Variants in ESRRG observed in about 807,000 individuals in gnomAD.
The protein encoded by ESRRG is estrogen related receptor gamma.
Under a neutral mutation model 44.0 loss-of-function variants are expected in ESRRG, and 13 were observed. The observed-to-expected ratio is 0.30, with a 90% CI of 0.19 to 0.47. The LOEUF (loss-of-function observed/expected upper bound fraction) is 0.47, where lower values mean the gene tolerates loss of function less well. Among genes scored for constraint, ESRRG ranks in the 20% least tolerant of loss-of-function variants. The pLI, the probability that ESRRG is intolerant of heterozygous loss-of-function variation, is 1.00. For missense variants in ESRRG, 395 were observed against 580.6 expected, an observed-to-expected ratio of 0.68 and a Z score of 3.29; for synonymous variants, 215 against 214.6, an observed-to-expected ratio of 1.00 and a Z score of -0.02.
chr1:217,096,549 C>T (rs2092425895), intron 1 of ESRRG, among the ~76,000 whole-genome samples: 1 of 152,170 alleles, frequency 6.6e-6, no homozygotes, highest in African/African-American at 2.4e-5. Context: ...TCCAACAATC[C>T]TCAGGTAACG....
chr1:216,844,359 C>T (rs912829705), intron 2 of ESRRG, among the ~76,000 whole-genome samples: 2 of 152,170 alleles, frequency 1.3e-5, no homozygotes, highest in African/African-American at 2.4e-5. Context: ...TTAAGTCCCT[C>T]AGCTAAGGGG....
chr1:216,752,711 A>G (rs1316187590), intron 2 of ESRRG, among the ~76,000 whole-genome samples: 1 of 152,062 alleles, frequency 6.6e-6, no homozygotes, highest in Non-Finnish European at 1.5e-5. Context: ...ATACTAGGGT[A>G]TTTTAGAACA....
At chr1:216,808,425 T>C (rs900970390) in intron 2 of ESRRG, among the ~76,000 whole-genome samples, 22 of 152,124 alleles carry the variant, frequency 1.4e-4, no homozygotes, top group African/African-American at 5.1e-4. Context: ...AATTTATTTA[T>C]ATATGTATTT....
At chr1:216,922,718 G>A (rs570860385) in intron 2 of ESRRG, among the ~76,000 whole-genome samples, 1 of 152,280 alleles carries the variant, frequency 6.6e-6, no homozygotes, top group African/African-American at 2.4e-5. Flanking sequence ...CAAGAAGATA[G>A]CCCTGGGTTT....
chr1:216,974,688 G>A (rs2072485122), intron 1 of ESRRG, among the ~76,000 whole-genome samples: 1 of 152,074 alleles, frequency 6.6e-6, no homozygotes, highest in African/African-American at 2.4e-5. Flanking sequence ...GTTTCTTGAG[G>A]AGTCCAATGA....
At chr1:216,832,900 C>T (rs1469835925) in intron 2 of ESRRG, among the ~76,000 whole-genome samples, 5 of 151,600 alleles carry the variant, frequency 3.3e-5, no homozygotes, top group African/African-American at 1.2e-4. Context: ...CCCTGGATCC[C>T]AGAGGCAGAG....
At chr1:216,715,933 A>G (rs2084774052) in intron 1 of ESRRG, among the ~76,000 whole-genome samples, 2 of 152,108 alleles carry the variant, frequency 1.3e-5, no homozygotes, top group South Asian at 4.1e-4. Flanking sequence ...ATCATGGAAA[A>G]AAAGAATTTA....
chr1:216,765,911 T>C (rs1311854535), intron 2 of ESRRG, among the ~76,000 whole-genome samples: 1 of 152,152 alleles, frequency 6.6e-6, no homozygotes, highest in Non-Finnish European at 1.5e-5. Context: ...AAATGGAGTA[T>C]TACGGATCCC....
intron 1 of ESRRG, among the ~76,000 whole-genome samples, chr1:217,054,902 T>C (rs544360813): frequency 2.0e-5 from 3 of 152,278 alleles, no homozygotes; most frequent in African/African-American, 7.2e-5. Context: ...AGTCTGAATT[T>C]ATAGAACTCA....
intron 2 of ESRRG, among the ~76,000 whole-genome samples, chr1:216,770,115 G>A (rs1295216139): frequency 1.3e-5 from 2 of 151,804 alleles, no homozygotes; most frequent in African/African-American, 4.8e-5. Context: ...GAGAAGGAAG[G>A]AGAAGAAATG....
chr1:216,935,062 C>T (rs2063914964), intron 2 of ESRRG, among the ~76,000 whole-genome samples: 1 of 152,084 alleles, frequency 6.6e-6, no homozygotes, highest in Admixed American at 6.5e-5. Flanking sequence ...GGTGTAATAA[C>T]ATAGGAAAAA....
At chr1:216,618,766 G>C (rs754469958) in intron 3 of ESRRG, among the ~76,000 whole-genome samples, 1 of 152,204 alleles carries the variant, frequency 6.6e-6, no homozygotes, top group Admixed American at 6.5e-5. Flanking sequence ...CTATGTTTAA[G>C]GTTAGGAGTG....
At chr1:217,090,435 C>T (rs1054504351), upstream of ESRRG, 2 of 152,258 alleles carry the variant, frequency 1.3e-5, no homozygotes, top group Non-Finnish European at 2.9e-5. Flanking sequence ...ACCCACCGGG[C>T]CCAGGCAGAG....
chr1:216,721,750 A>G (rs1322802741), intron 1 of ESRRG, among the ~76,000 whole-genome samples: 5 of 152,236 alleles, frequency 3.3e-5, no homozygotes, highest in East Asian at 1.9e-4. Context: ...TCTTCCTGAC[A>G]CGAAGACGTC....
intron 3 of ESRRG, among the ~76,000 whole-genome samples, chr1:216,634,001 C>A (rs1180747224): frequency 6.6e-6 from 1 of 152,146 alleles, no homozygotes; most frequent in Non-Finnish European, 1.5e-5. Flanking sequence ...TTATTGATGA[C>A]AAATTACTGC....
At chr1:216,800,034 T>C (rs534152376) in intron 2 of ESRRG, among the ~76,000 whole-genome samples, 2 of 152,270 alleles carry the variant, frequency 1.3e-5, no homozygotes, top group South Asian at 2.1e-4. Context: ...AATAAAATTA[T>C]GCTAAAACAA....
intron 1 of ESRRG, among the ~76,000 whole-genome samples, chr1:216,706,019 GA>G (rs905108478): frequency 5.9e-5 from 9 of 152,098 alleles, no homozygotes; most frequent in African/African-American, 2.2e-4. Context: ...CAATACTAGA[GA>G]AATCATAAAT....
At chr1:216,920,436 A>G (rs1017877441) in intron 2 of ESRRG, among the ~76,000 whole-genome samples, 8 of 150,482 alleles carry the variant, frequency 5.3e-5, no homozygotes, top group Non-Finnish European at 1.0e-4. Flanking sequence ...ATTTTTCTGT[A>G]GGGACAATTG....
intron 3 of ESRRG, among the ~76,000 whole-genome samples, chr1:216,631,147 C>T (rs1421401184): frequency 6.6e-6 from 1 of 151,708 alleles, no homozygotes; most frequent in Non-Finnish European, 1.5e-5. Flanking sequence ...AAGTAGAAGG[C>T]TAACTTGTTA....
Sources: gnomAD v4.1 joint callset for allele counts (sites outside exome capture counted in the v4.1 genomes callset) on GRCh38, gnomAD v4.1.1 for gene constraint, MANE v1.5 for transcripts, NCBI Gene and HGNC (gene_info 2026-07-23, HGNC 2026-07-21) for gene names.